The following ZFYVE1 variants were observed in gnomAD, a reference collection of about 807,000 sequenced individuals.
ZFYVE1 encodes the protein zinc finger FYVE domain-containing protein 1.
ZFYVE1 carries 30 observed loss-of-function variants against 74.4 expected under a neutral mutation model. That is an observed-to-expected ratio of 0.40 (90% CI 0.30 to 0.55). The LOEUF is 0.55. ZFYVE1 is among the 20% of genes least tolerant of loss of function. The pLI is 0.42. For synonymous variants in ZFYVE1, 335 were observed against 385.1 expected (o/e 0.87, Z 1.52); for missense variants, 703 against 1,011.6 (o/e 0.69, Z 4.14).
At chr14:73,021,696 T>C (rs1325791487) in intron 2 of ZFYVE1, among the ~76,000 whole-genome samples, 1 of 152,228 alleles carries the variant, frequency 6.6e-6, no homozygotes, top group African/African-American at 2.4e-5. Context: ...TAAACTGTTA[T>C]TTCCTAGGAC....
intron 2 of ZFYVE1, among the ~76,000 whole-genome samples, chr14:73,023,252 T>TATATGTTTTATATATAATATATA (rs1491470325): frequency 8.3e-6 from 1 of 120,114 alleles, no homozygotes; most frequent in South Asian, 2.2e-4. Flanking sequence ...ATATATATAT[T>TATATGTTTTATATATAATATATA]ATATGTTTTA....
rs1893018410 is a variant in ZFYVE1, at chr14:72,970,968, G to A, written c.2248C>T (p.His750Tyr). ...CGQGFCDECS[H>Y]DRRAVPSRGW... Reference sequence around the variant, plus strand: ...CGAGAAGGAACAGCCCGGCGGTCATGGGAGCACTCATCACAGAAGCCCTGT... The same window carrying A: ...CGAGAAGGAACAGCCCGGCGGTCATAGGAGCACTCATCACAGAAGCCCTGT... Residue 750 changes from histidine to tyrosine, a missense_variant, in exon 12 of 12, where the codon CAT (histidine) becomes TAT (tyrosine). Coordinates refer to ENST00000556143, the MANE Select transcript of ZFYVE1 (RefSeq NM_021260.4). 6.2e-7 allele frequency: 1 copy of A among 1,614,264 alleles called. No homozygotes were observed.
intron 5 of ZFYVE1, chr14:72,979,254 C>T: frequency 3.0e-6 from 1 of 331,970 alleles, no homozygotes; most frequent in Non-Finnish European, 5.9e-6. Flanking sequence ...AATCCCAGTA[C>T]TTTGGGAGGC....
chr14:72,999,945 C>T (rs1222592232), intron 2 of ZFYVE1, among the ~76,000 whole-genome samples: 1 of 152,092 alleles, frequency 6.6e-6, no homozygotes, highest in African/African-American at 2.4e-5. Flanking sequence ...CCTGTAATCC[C>T]AGCTACTCGG....
chr14:73,006,187 G>C (rs1326208087), intron 2 of ZFYVE1, among the ~76,000 whole-genome samples: 1 of 151,910 alleles, frequency 6.6e-6, no homozygotes, highest in Non-Finnish European at 1.5e-5. Flanking sequence ...CCAAAGTCCT[G>C]GGATTGTAGG....
rs989136851 is a variant in ZFYVE1, at chr14:73,026,966, C to T, written c.-475G>A. On this transcript the variant is annotated 5_prime_UTR_variant, in exon 1 of 12. Coordinates refer to ENST00000556143, the MANE Select transcript of ZFYVE1 (RefSeq NM_021260.4). The stretch of plus-strand genomic sequence containing the variant: ...CCGCAGCAAGGCGGCGTCGGGGGGC[C>T]GCAGGGCGCCAGTGGGGGCAGAGGC... The T allele has an allele frequency of 7.5e-6, 3 of 398,756 alleles. No individual in the cohort carries two copies. The East Asian group carries it at 1.1e-4, about 14-fold the overall frequency. 24.7% of individuals were successfully genotyped at this position (398,756 alleles called of 1,614,324 possible).
intron 8 of ZFYVE1, among the ~76,000 whole-genome samples, chr14:72,977,426 A>G (rs1328936866): frequency 6.6e-6 from 1 of 152,150 alleles, no homozygotes; most frequent in East Asian, 1.9e-4. Flanking sequence ...AAAAAAAAAA[A>G]GATTAAGCGT....
chr14:72,972,748 C>A (rs186700027), intron 11 of ZFYVE1, among the ~76,000 whole-genome samples: 4 of 150,778 alleles, frequency 2.7e-5, no homozygotes, highest in African/African-American at 7.3e-5. Context: ...CGCTCTGTTG[C>A]CCAGGCTGGA....
At position 73,016,415 on chromosome 14, in the gene ZFYVE1, G is replaced by A. The variant is rs12882203; in HGVS notation, c.483+7611C>T. 5.3e-5 allele frequency among the ~76,000 whole-genome samples: 8 copies of A among 151,828 alleles called. No homozygotes were observed. In the East Asian group the frequency reaches 1.4e-3, roughly 26 times the overall value. On this transcript the variant is annotated intron_variant, in intron 2 of 11. Transcript: ENST00000556143. The stretch of plus-strand genomic sequence containing the variant: ...AGTCCCAGCTACTCAGGAGGCTGAG[G>A]CAAGAGAATGGCGTGAACCCAGGAG...
intron 4 of ZFYVE1, among the ~76,000 whole-genome samples, chr14:72,984,697 G>C (rs1210199309): frequency 6.6e-6 from 1 of 152,136 alleles, no homozygotes; most frequent in Non-Finnish European, 1.5e-5. Context: ...CCATTCTTCA[G>C]GGATGTTTGT....
intron 3 of ZFYVE1, among the ~76,000 whole-genome samples, chr14:72,993,867 T>G (rs1031328665): frequency 6.6e-6 from 1 of 151,342 alleles, no homozygotes; most frequent in Non-Finnish European, 1.5e-5. Context: ...CTAAAAATAC[T>G]AGCCAAGCGT....
In ZFYVE1 at chr14:72,974,155, G is replaced by A. The variant is rs1172531822; in HGVS notation, c.2026C>T (p.Leu676Phe). Residue 676 changes from leucine (L) to phenylalanine (F), a missense_variant, in exon 11 of 12, where the codon CTC becomes TTC. By Grantham distance (22) the Leu-to-Phe change is conservative (BLOSUM62 0). This residue lies in a region of ZFYVE1 where 492 missense variants were observed against 790.0 expected (regional missense o/e 0.62). Transcript: ENST00000556143. Reference sequence around the variant, plus strand: ...GCCTCGCCCACCTTCCGAGCAATGAGCGTTCCACCTTCATCGTCCACTTGT... The same window carrying A: ...GCCTCGCCCACCTTCCGAGCAATGAACGTTCCACCTTCATCGTCCACTTGT... ...EAQVDDEGGT[L>F]IARKVGEAVQ... is the part of the protein sequence containing the mutation. 1.9e-6 allele frequency: 3 copies of A among 1,614,134 alleles called. No individual in the cohort carries two copies. Among genetic ancestry groups the A allele is most frequent in the Admixed American group, 3.3e-5 (2 of 60,028 alleles).
Position 72,978,140 on chromosome 14 carries a change from G to A in ZFYVE1, c.1514C>T (p.Ser505Phe). Residue 505 changes from serine to phenylalanine, a missense_variant, in exon 7 of 12, where the codon TCT becomes TTT. Transcript: ENST00000556143. ...PWMGLAKYAW[S>F]GYVIECPNCG... ...GAGCCATGTTGTTTAAACTCACCCAGACCAGGCATATTTTGCGAGACCCAT... is the reference window on the plus strand; with the variant it reads ...GAGCCATGTTGTTTAAACTCACCCAAACCAGGCATATTTTGCGAGACCCAT... The A allele has an allele frequency of 1.2e-6, 2 of 1,614,188 alleles. No individual in the cohort carries two copies. The highest frequency in any genetic ancestry group is 8.5e-7 in the Non-Finnish European group (1 of 1,180,036).
chr14:73,001,582 T>C (rs1893873391), intron 2 of ZFYVE1, among the ~76,000 whole-genome samples: 1 of 152,060 alleles, frequency 6.6e-6, no homozygotes, highest in Non-Finnish European at 1.5e-5. Flanking sequence ...AATCCTACCC[T>C]CCAAATGTGC....
chr14:73,007,111 G>T (rs12884588), intron 2 of ZFYVE1, among the ~76,000 whole-genome samples: 1 of 151,896 alleles, frequency 6.6e-6, no homozygotes, highest in Non-Finnish European at 1.5e-5. Flanking sequence ...TCCCTCGAGA[G>T]ATTCCTTCCA....
intron 10 of ZFYVE1, among the ~76,000 whole-genome samples, 178 bp downstream of exon 10, chr14:72,974,601 G>C (rs182521851): frequency 6.6e-6 from 1 of 152,322 alleles, no homozygotes; most frequent in Non-Finnish European, 1.5e-5. Context: ...TCGAGCCCCT[G>C]AGGAACAGCA....
chr14:73,026,984 G>A lies in ZFYVE1; in HGVS notation c.-493C>T. On this transcript the variant is annotated 5_prime_UTR_variant, in exon 1 of 12. Transcript: ENST00000556143. ...GGGGGGCCGCAGGGCGCCAGTGGGG[G>A]CAGAGGCTATTCCTCAGGACACCGG... 2.5e-6 allele frequency: 1 copy of A among 398,910 alleles called. No homozygotes were observed. The highest frequency in any genetic ancestry group is 3.6e-5 in the East Asian group (1 of 28,074). The allele number at this position is 398,910 out of a possible 1,614,324, so 24.7% of individuals were successfully genotyped here. A position where few individuals can be genotyped will look rare whatever the true frequency, so the allele number is the denominator to read the frequency against.
chr14:72,996,457 G>A (rs537138984), intron 3 of ZFYVE1, among the ~76,000 whole-genome samples: 2 of 151,880 alleles, frequency 1.3e-5, no homozygotes, highest in African/African-American at 4.8e-5. Flanking sequence ...GCAATAACAC[G>A]ATCACAGCTC....
intron 2 of ZFYVE1, among the ~76,000 whole-genome samples, chr14:73,002,115 A>T (rs1893885283): frequency 6.6e-6 from 1 of 152,222 alleles, no homozygotes. Flanking sequence ...TGAAGTGCTG[A>T]TACATGCTAC....
Sources: gnomAD v4.1 joint callset for allele counts (sites outside exome capture counted in the v4.1 genomes callset) on GRCh38, gnomAD v4.1.1 for gene constraint, gnomAD v4.1.1 regional missense constraint, MANE v1.5 for transcripts, NCBI Gene and HGNC (gene_info 2026-07-23, HGNC 2026-07-21) for gene names.